ADAT1: variants seen among roughly 807,000 people sequenced by gnomAD.
The protein encoded by ADAT1 is adenosine deaminase tRNA specific 1, also known as tRNA-specific adenosine deaminase 1.
A neutral mutation model predicts 58.6 loss-of-function variants in ADAT1; 58 were observed. The observed-to-expected ratio is 0.99, with a 90% CI of 0.80 to 1.23. The LOEUF (loss-of-function observed/expected upper bound fraction) is 1.23. Ranked by LOEUF, ADAT1 falls within the 50% of genes most tolerant of loss-of-function variation. The pLI, the probability that ADAT1 is intolerant of heterozygous loss-of-function variation, is 0.00. For missense variants in ADAT1, 741 were observed against 608.6 expected (o/e 1.22, Z -2.29); for synonymous variants, 254 against 220.8 (o/e 1.15, Z -1.33).
At chr16:75,601,409 G>T (rs1005743385) in intron 9 of ADAT1, among the ~76,000 whole-genome samples, 2 of 151,224 alleles carry the variant, frequency 1.3e-5, no homozygotes, top group Non-Finnish European at 2.9e-5. Flanking sequence ...TTGGTCACAT[G>T]CAACACTTCC....
Position 75,612,078 on chromosome 16 carries a change from T to C in ADAT1, c.1043+165A>G, listed in dbSNP as rs545628261. Among the ~76,000 whole-genome samples the C allele has an allele frequency of 3.4e-3, 525 of 152,240 alleles. 1 individual carries two copies. Among genetic ancestry groups the C allele is most frequent in the Admixed American group, 6.4e-3 (98 of 15,278 alleles). ...GTCTCTAAAAAACAAAAAAAAATTA[T>C]ATACAAAGCTAAATGTTCAAATACT... On this transcript the variant is annotated intron_variant, in intron 6 of 9. Coordinates refer to ENST00000564657, the MANE Select transcript of ADAT1 (RefSeq NM_001324445.2).
Position 75,599,375 on chromosome 16 carries a change from C to G in ADAT1, c.*841G>C, listed in dbSNP as rs1031830600. 2.0e-6 allele frequency: 2 copies of G among 985,678 alleles called. No individual in the cohort carries two copies. Among genetic ancestry groups the G allele is most frequent in the African/African-American group, 1.7e-5 (1 of 57,210 alleles). 61.1% of individuals were successfully genotyped at this position (985,678 alleles called of 1,614,324 possible). ...GGGATTACAGGCCTGAGCCACCAAG[C>G]CTGGCCACCTTTTGGCTTTTTGGAC... On this transcript the variant is annotated 3_prime_UTR_variant, in exon 10 of 10. Coordinates refer to ENST00000564657, the MANE Select transcript of ADAT1 (RefSeq NM_001324445.2).
At chr16:75,603,001 CT>C (rs1433265800) in intron 9 of ADAT1, 83 bp downstream of exon 9, 14 of 1,284,150 alleles carry the variant, frequency 1.1e-5, no homozygotes, top group Admixed American at 1.9e-5. Flanking sequence ...ACCACCACTC[CT>C]GCCAAAGCTT....
intron 1 of ADAT1, 145 bp from the exon 2 acceptor site, chr16:75,620,965 C>G (rs375255609): frequency 3.2e-5 from 19 of 591,990 alleles, no homozygotes; most frequent in East Asian, 1.2e-4. Flanking sequence ...TTTTCTTCTA[C>G]TATCTCCCTG....
At chr16:75,620,842 T>A in intron 1 of ADAT1, 22 bp from the exon 2 acceptor site, 1 of 1,584,624 alleles carries the variant, frequency 6.3e-7, no homozygotes, top group Non-Finnish European at 8.6e-7. Flanking sequence ...ACCACAACCA[T>A]CAGAAGTACG....
At position 75,612,678 on chromosome 16, in the gene ADAT1, G is replaced by A. The variant is rs3743599; in HGVS notation, c.608C>T (p.Thr203Ile). Residue 203 changes from threonine (T) to isoleucine (I), a missense_variant, in exon 6 of 10, where the codon ACT becomes ATT. Coordinates refer to ENST00000564657, the MANE Select transcript of ADAT1 (RefSeq NM_001324445.2). ...VTKKMRLEPG[T>I]AAREVTNGAA... Reference sequence around the variant, plus strand: ...TCCGTTGGTGACCTCCCTGGCTGCAGTCCCAGGCTCAAGCCTCATCTTTTT... The same window carrying A: ...TCCGTTGGTGACCTCCCTGGCTGCAATCCCAGGCTCAAGCCTCATCTTTTT... The A allele has an allele frequency of 1.9e-6, 3 of 1,613,854 alleles. No homozygotes were observed. Among genetic ancestry groups the A allele is most frequent in the African/African-American group, 1.3e-5 (1 of 74,866 alleles).
chr16:75,609,717 T>G (rs1475603574), intron 6 of ADAT1, among the ~76,000 whole-genome samples: 2 of 152,160 alleles, frequency 1.3e-5, no homozygotes, highest in Non-Finnish European at 2.9e-5. Flanking sequence ...TTAAATTTTT[T>G]GTTTTTTTGA....
At chr16:75,621,205 T>G (rs1464726954) in intron 1 of ADAT1, among the ~76,000 whole-genome samples, 1 of 143,060 alleles carries the variant, frequency 7.0e-6, no homozygotes, top group Non-Finnish European at 1.5e-5. Flanking sequence ...AGACCCTCAC[T>G]GTATAAGGTT....
intron 6 of ADAT1, among the ~76,000 whole-genome samples, chr16:75,611,703 CA>C (rs2081540239): frequency 2.7e-5 from 4 of 150,266 alleles, no homozygotes; most frequent in Admixed American, 2.7e-4. Flanking sequence ...CTATTTTTAA[CA>C]ACAAAGAAAA....
chr16:75,608,896 G>T lies in ADAT1; in HGVS notation c.1136C>A (p.Ala379Glu). The change falls in exon 7 of 10, where the codon GCG (alanine) becomes GAG (glutamate). Residue 379 changes from alanine (A) to glutamate (E), a missense_variant. By Grantham distance (107) the Ala-to-Glu change is moderately radical. Transcript: ENST00000564657. The stretch of plus-strand genomic sequence containing the variant: ...GCTATCAGCCCTTTTTGCCTGCACC[G>T]CACTGCGGCTCTGTTCAAATAGTAA... ...SDLLFEQSRSAVQAKRADSPG... is the reference protein window; with the variant it reads ...SDLLFEQSRSEVQAKRADSPG... 6.2e-7 allele frequency: 1 copy of T among 1,613,688 alleles called. No individual in the cohort carries two copies. Among genetic ancestry groups the T allele is most frequent in the Non-Finnish European group, 8.5e-7 (1 of 1,179,880 alleles).
intron 9 of ADAT1, among the ~76,000 whole-genome samples, chr16:75,601,111 C>G (rs2081218791): frequency 2.0e-5 from 3 of 152,126 alleles, no homozygotes; most frequent in African/African-American, 7.2e-5. Context: ...GAGGCCGAAG[C>G]AGGCGGATCA....
intron 7 of ADAT1, 135 bp downstream of exon 7, chr16:75,608,708 G>C (rs1261272803): frequency 6.6e-6 from 7 of 1,059,538 alleles, no homozygotes; most frequent in Non-Finnish European, 9.4e-6. Flanking sequence ...CCCACTATGG[G>C]TGTCTCTAAA....
At chr16:75,620,541 C>A in intron 2 of ADAT1, 90 bp downstream of exon 2, 1 of 1,509,674 alleles carries the variant, frequency 6.6e-7, no homozygotes, top group Non-Finnish European at 9.1e-7. Flanking sequence ...GTAGTTCACA[C>A]CCTACCCACG....
intron 5 of ADAT1, among the ~76,000 whole-genome samples, chr16:75,615,480 TAAAAAAAAAAAAAAAAAA>T (rs56149357): frequency 2.0e-3 from 66 of 32,940 alleles, no homozygotes; most frequent in Non-Finnish European, 6.6e-3. Flanking sequence ...GTTGATGAGC[TAAAAAAAAAAAAAAAAAA>T]AAAAAAAAAA....
chr16:75,620,172 TC>T, intron 3 of ADAT1, 93 bp downstream of exon 3: 1 of 1,252,638 alleles, frequency 8.0e-7, no homozygotes, highest in Non-Finnish European at 1.2e-6. Flanking sequence ...GCCATGCACC[TC>T]AACTGACATG....
intron 2 of ADAT1, 121 bp from the exon 3 acceptor site, chr16:75,620,455 G>A (rs1199235741): frequency 3.4e-5 from 48 of 1,416,916 alleles, no homozygotes; most frequent in Middle Eastern, 1.8e-4. Flanking sequence ...CAAGGTCTGC[G>A]GTTCCAGCAT....
rs777652272 is a variant in ADAT1 at position 75,620,693 on chromosome 16, G to C, written c.107C>G (p.Ala36Gly). Residue 36 changes from alanine to glycine, a missense_variant, in exon 2 of 10, where the codon GCG (alanine) becomes GGG (glycine). Transcript: ENST00000564657. ...AGCTGGAGATTGTATCTTCACCACCGCTGCCAATAATGTCCACTCATGGTT... is the reference window on the plus strand; with the variant it reads ...AGCTGGAGATTGTATCTTCACCACCCCTGCCAATAATGTCCACTCATGGTT... ...EPNHEWTLLAAVVKIQSPADK... is the reference protein window; with the variant it reads ...EPNHEWTLLAGVVKIQSPADK... 6.2e-7 allele frequency: 1 copy of C among 1,614,042 alleles called. No individual in the cohort carries two copies. Among genetic ancestry groups the C allele is most frequent in the Non-Finnish European group, 8.5e-7 (1 of 1,180,016 alleles).
intron 8 of ADAT1, among the ~76,000 whole-genome samples, chr16:75,605,329 T>C (rs1002026324): frequency 2.0e-5 from 3 of 152,262 alleles, no homozygotes; most frequent in Non-Finnish European, 4.4e-5. Flanking sequence ...CCTCAGGTTA[T>C]CTGCCTGCCT....
At chr16:75,601,475 C>A (rs564699769) in intron 9 of ADAT1, among the ~76,000 whole-genome samples, 57 of 151,890 alleles carry the variant, frequency 3.8e-4, no homozygotes, top group African/African-American at 1.3e-3. Context: ...AACATACATA[C>A]ATGCCAGGCG....
Sources: gnomAD v4.1 joint callset for allele counts (sites outside exome capture counted in the v4.1 genomes callset) on GRCh38, gnomAD v4.1.1 for gene constraint, MANE v1.5 for transcripts, NCBI Gene and HGNC (gene_info 2026-07-23, HGNC 2026-07-21) for gene names.